COG5: variants seen among roughly 807,000 people sequenced by gnomAD.
COG5 encodes component of oligomeric golgi complex 5, also known as conserved oligomeric Golgi complex subunit 5.
Under a neutral mutation model 110.4 loss-of-function variants are expected in COG5, and 86 were observed. That is an observed-to-expected ratio of 0.78 (90% CI 0.65 to 0.93). The LOEUF is 0.93. COG5 is among the 40% of genes least tolerant of loss of function. The pLI, the probability that COG5 is intolerant of heterozygous loss-of-function variation, is 0.00. For missense variants in COG5, 1,077 were observed against 987.0 expected, an observed-to-expected ratio of 1.09 and a Z score of -1.22; for synonymous variants, 360 against 334.6, an observed-to-expected ratio of 1.08 and a Z score of -0.83.
At chr7:107,205,753 C>G (rs1195350710) in intron 21 of COG5, among the ~76,000 whole-genome samples, 1 of 152,208 alleles carries the variant, frequency 6.6e-6, no homozygotes, top group African/African-American at 2.4e-5. Flanking sequence ...TTCTTAACTC[C>G]AGGCAGCAGG....
At chr7:107,340,707 G>A (rs1169458302) in intron 10 of COG5, among the ~76,000 whole-genome samples, 4 of 151,988 alleles carry the variant, frequency 2.6e-5, no homozygotes, top group African/African-American at 7.3e-5. Flanking sequence ...TTCATTCCTG[G>A]GATGCAAGGT....
chr7:107,511,372 A>G (rs1799496663), intron 6 of COG5, among the ~76,000 whole-genome samples: 1 of 152,192 alleles, frequency 6.6e-6, no homozygotes, highest in African/African-American at 2.4e-5. Flanking sequence ...GAATAGACCA[A>G]TAACAGACTC....
At chr7:107,338,121 A>C (rs1810859238) in intron 10 of COG5, among the ~76,000 whole-genome samples, 1 of 152,080 alleles carries the variant, frequency 6.6e-6, no homozygotes, top group Non-Finnish European at 1.5e-5. Context: ...AAGAAATCTC[A>C]ATGGCATTTT....
In COG5 at chr7:107,415,911, T is replaced by C. The variant is rs1792766793; in HGVS notation, c.539-3279A>G. On this transcript the variant is annotated intron_variant, in intron 6 of 21. Coordinates refer to ENST00000297135, the MANE Select transcript of COG5 (RefSeq NM_006348.5). ...ATACACACACATACACGTATGTATGTATGTGTGTGTATATACACACACATA... is the reference window on the plus strand; with the variant it reads ...ATACACACACATACACGTATGTATGCATGTGTGTGTATATACACACACATA... Among the ~76,000 whole-genome samples the C allele has an allele frequency of 2.7e-5, 3 of 110,340 alleles. No individual in the cohort carries two copies. The South Asian group carries it at 8.3e-4, about 30-fold the overall frequency. 72.4% of individuals were successfully genotyped at this position (110,340 alleles called of 152,430 possible).
In COG5 at chr7:107,522,425, G is replaced by A. The variant is rs1424746856; in HGVS notation, c.538+4812C>T. Among the ~76,000 whole-genome samples the A allele has an allele frequency of 3.3e-5, 5 of 152,030 alleles. No individual in the cohort carries two copies. The East Asian group carries it at 7.7e-4, about 23-fold the overall frequency. ...GGAGGTTGCGGTGAGCGGAGATTGC[G>A]CCATTGCACTCCAGCCTGTGCAACG... On this transcript the variant is annotated intron_variant, in intron 6 of 21. Transcript: ENST00000297135.
intron 7 of COG5, among the ~76,000 whole-genome samples, chr7:107,379,598 CA>C (rs200972977): frequency 0.014 from 1,022 of 73,130 alleles, 5 homozygotes; most frequent in Middle Eastern, 0.048. Flanking sequence ...AAATGGAAAG[CA>C]AAAAAAAAAA....
intron 7 of COG5, 134 bp downstream of exon 7, chr7:107,412,368 G>A: frequency 1.3e-6 from 1 of 777,624 alleles, no homozygotes; most frequent in Non-Finnish European, 2.1e-6. Flanking sequence ...CCCATTCTTT[G>A]ATTTAAATTG....
chr7:107,207,057 T>G (rs958836935), intron 21 of COG5, among the ~76,000 whole-genome samples: 4 of 152,200 alleles, frequency 2.6e-5, no homozygotes, highest in Non-Finnish European at 1.5e-5. Flanking sequence ...TGACAAAAAC[T>G]AGCCAAGTGG....
intron 21 of COG5, among the ~76,000 whole-genome samples, chr7:107,206,748 A>C (rs1798815229): frequency 6.6e-6 from 1 of 152,234 alleles, no homozygotes; most frequent in African/African-American, 2.4e-5. Flanking sequence ...GAGATCAGAA[A>C]TGAGTTTGGT....
At chr7:107,281,250 G>C in intron 14 of COG5, 50 bp downstream of exon 14, 1 of 1,176,258 alleles carries the variant, frequency 8.5e-7, no homozygotes, top group South Asian at 1.2e-5. Context: ...TATATAGTTA[G>C]TAATTTTAAA....
At chr7:107,546,345 A>C (rs964148257) in intron 5 of COG5, among the ~76,000 whole-genome samples, 6 of 152,120 alleles carry the variant, frequency 3.9e-5, no homozygotes, top group Non-Finnish European at 8.8e-5. Flanking sequence ...AGAAGGAAGA[A>C]AATAATAAAG....
chr7:107,211,073 G>T, intron 20 of COG5, 26 bp downstream of exon 20: 1 of 1,613,200 alleles, frequency 6.2e-7, no homozygotes, highest in South Asian at 1.1e-5. Context: ...GTCACAAAAG[G>T]GTTCTGGCTT....
chr7:107,245,802 A>G (rs1343241442), intron 17 of COG5, among the ~76,000 whole-genome samples: 1 of 152,216 alleles, frequency 6.6e-6, no homozygotes. Context: ...AGCAATCTTC[A>G]GATTCAATGC....
At chr7:107,298,566 A>T (rs937706208) in intron 11 of COG5, among the ~76,000 whole-genome samples, 14 of 151,946 alleles carry the variant, frequency 9.2e-5, no homozygotes, top group South Asian at 4.1e-4. Context: ...ATCTATATTT[A>T]AAAAAAATAG....
At chr7:107,258,463 T>TACGC in intron 14 of COG5, 80 bp from the exon 15 acceptor site, 5 of 608,984 alleles carry the variant, frequency 8.2e-6, no homozygotes, top group Non-Finnish European at 1.5e-5. Flanking sequence ...CACACACACA[T>TACGC]ACACACACAC....
Position 107,387,210 on chromosome 7 carries a change from G to A in COG5, c.670-14450C>T, listed in dbSNP as rs114152650. Among the ~76,000 whole-genome samples, 524 of 152,282 alleles carry A rather than the reference G, an allele frequency of 3.4e-3. 5 individuals are homozygous for A. Among genetic ancestry groups the A allele is most frequent in the African/African-American group, 0.011 (469 of 41,554 alleles). On this transcript the variant is annotated intron_variant, in intron 7 of 21. Coordinates refer to ENST00000297135, the MANE Select transcript of COG5 (RefSeq NM_006348.5). ...TAAATTAAAAGAAAGGCTCTGCAGCGGGTAAGCTCACAAACCCAGAGCCAG... is the reference window on the plus strand; with the variant it reads ...TAAATTAAAAGAAAGGCTCTGCAGCAGGTAAGCTCACAAACCCAGAGCCAG...
At chr7:107,320,175 ACT>A (rs1339469435) in intron 11 of COG5, among the ~76,000 whole-genome samples, 1 of 151,856 alleles carries the variant, frequency 6.6e-6, no homozygotes, top group Non-Finnish European at 1.5e-5. Flanking sequence ...AAAATTGGTG[ACT>A]CTGTGAAGTT....
At chr7:107,424,935 T>C (rs1312845759) in intron 6 of COG5, among the ~76,000 whole-genome samples, 2 of 152,144 alleles carry the variant, frequency 1.3e-5, no homozygotes, top group African/African-American at 2.4e-5. Flanking sequence ...TGCAATATAT[T>C]AATAGGTGTT....
At chr7:107,371,264 G>A (rs1422236761) in intron 8 of COG5, among the ~76,000 whole-genome samples, 1 of 151,918 alleles carries the variant, frequency 6.6e-6, no homozygotes, top group Non-Finnish European at 1.5e-5. Flanking sequence ...TATATATTCA[G>A]TATTACGTAA....
Sources: allele counts gnomAD v4.1 joint callset (sites outside exome capture counted in the v4.1 genomes callset), GRCh38; gene constraint gnomAD v4.1.1; transcripts MANE v1.5; gene names NCBI Gene and HGNC (gene_info 2026-07-23, HGNC 2026-07-21).